Variants in GPD2 observed in about 807,000 individuals in gnomAD.
GPD2 encodes glycerol-3-phosphate dehydrogenase, mitochondrial.
Under a neutral mutation model 82.4 loss-of-function variants are expected in GPD2, and 54 were observed. That is an observed-to-expected ratio of 0.66 (90% CI 0.53 to 0.82). GPD2 has a LOEUF of 0.82. Ranked by LOEUF, GPD2 falls within the 40% of genes least tolerant of loss-of-function variation. The pLI is 0.00. For missense variants in GPD2, 748 were observed against 896.2 expected, an observed-to-expected ratio of 0.83 and a Z score of 2.11; for synonymous variants, 288 against 306.1, an observed-to-expected ratio of 0.94 and a Z score of 0.62.
intron 2 of GPD2, among the ~76,000 whole-genome samples, chr2:156,487,655 A>G (rs1683997270): frequency 6.6e-6 from 1 of 152,190 alleles, no homozygotes; most frequent in African/African-American, 2.4e-5. Flanking sequence ...ACACCTAAGG[A>G]GCTAATGTTA....
Position 156,507,326 on chromosome 2 carries a change from C to CT in GPD2, c.275-3457dup, listed in dbSNP as rs11334405. ...CCCAGCCACTTTTTCTTTTTCTTTTCTTTTTTTTTTTTTGAGATAGGGTCT... is the reference window on the plus strand; with the variant it reads ...CCCAGCCACTTTTTCTTTTTCTTTTCTTTTTTTTTTTTTTGAGATAGGGTCT... On this transcript the variant is annotated intron_variant, in intron 3 of 16. Coordinates refer to ENST00000438166, the MANE Select transcript of GPD2 (RefSeq NM_000408.5). Among the ~76,000 whole-genome samples the CT allele has an allele frequency of 2.9e-3, 409 of 142,666 alleles. 1 individual carries two copies. The highest frequency in any genetic ancestry group is 6.1e-3 in the African/African-American group (237 of 38,616). 93.6% of individuals were successfully genotyped at this position (142,666 alleles called of 152,430 possible).
chr2:156,519,788 A>T (rs1573955930), intron 6 of GPD2, among the ~76,000 whole-genome samples: 1 of 152,350 alleles, frequency 6.6e-6, no homozygotes, highest in East Asian at 1.9e-4. Flanking sequence ...ACCCAGGCAA[A>T]CAGGTGCCTG....
intron 13 of GPD2, among the ~76,000 whole-genome samples, chr2:156,576,147 T>C (rs993656272): frequency 6.6e-6 from 1 of 152,204 alleles, no homozygotes; most frequent in Non-Finnish European, 1.5e-5. Flanking sequence ...TTTAGTTAAC[T>C]GTGAATGCAT....
chr2:156,411,418 CAATT>C, the GPD2 span, among the ~76,000 whole-genome samples: 1 of 152,022 alleles, frequency 6.6e-6, no homozygotes, highest in African/African-American at 2.4e-5. Flanking sequence ...TGAATTCAAG[CAATT>C]CTCCTCCCTC....
intron 9 of GPD2, among the ~76,000 whole-genome samples, chr2:156,559,488 A>G (rs1021441282): frequency 1.3e-5 from 2 of 152,208 alleles, no homozygotes; most frequent in Admixed American, 1.3e-4. Flanking sequence ...GTTAGTCTGA[A>G]TGCAACTCAC....
chr2:156,533,505 A>C (rs532778515), intron 6 of GPD2, among the ~76,000 whole-genome samples: 2 of 152,252 alleles, frequency 1.3e-5, no homozygotes, highest in South Asian at 4.1e-4. Flanking sequence ...GCAAGGCCTC[A>C]GGTTTAGATC....
intron 13 of GPD2, among the ~76,000 whole-genome samples, chr2:156,578,071 A>G (rs1380616655): frequency 6.6e-6 from 1 of 152,222 alleles, no homozygotes; most frequent in Non-Finnish European, 1.5e-5. Context: ...TGTGAACAAT[A>G]TATGCTACAA....
At chr2:156,441,362 G>A (rs1682169860) in intron 1 of GPD2, among the ~76,000 whole-genome samples, 1 of 152,080 alleles carries the variant, frequency 6.6e-6, no homozygotes, top group South Asian at 2.1e-4. Context: ...GATCAGCCTG[G>A]GCCACGTGGA....
At chr2:156,454,587 C>A (rs1682724670) in intron 1 of GPD2, among the ~76,000 whole-genome samples, 1 of 151,976 alleles carries the variant, frequency 6.6e-6, no homozygotes, top group South Asian at 2.1e-4. Flanking sequence ...CAGGTTAAAT[C>A]TTACTTTCTT....
At chr2:156,452,082 G>A (rs1444023878) in intron 1 of GPD2, among the ~76,000 whole-genome samples, 1 of 151,624 alleles carries the variant, frequency 6.6e-6, no homozygotes, top group African/African-American at 2.4e-5. Flanking sequence ...GGGCAGCCAG[G>A]CAGAGGGGCT....
intron 6 of GPD2, among the ~76,000 whole-genome samples, chr2:156,521,566 G>C (rs1685410070): frequency 6.6e-6 from 1 of 152,138 alleles, no homozygotes; most frequent in South Asian, 2.1e-4. Flanking sequence ...TCTACTTTTT[G>C]TGAAAATATT....
chr2:156,572,238 T>C (rs1202407235), intron 13 of GPD2, among the ~76,000 whole-genome samples: 2 of 152,206 alleles, frequency 1.3e-5, no homozygotes, highest in East Asian at 3.8e-4. Flanking sequence ...ATTAGTATCA[T>C]ACTTTATGCA....
chr2:156,513,418 C>T lies in GPD2; in HGVS notation c.583C>T (p.Leu195Phe). The T allele has an allele frequency of 1.2e-6, 2 of 1,612,226 alleles. No homozygotes were observed. The highest frequency in any genetic ancestry group is 1.7e-6 in the Non-Finnish European group (2 of 1,178,648). The change falls in exon 6 of 17, where the codon CTC (leucine) becomes TTC (phenylalanine). Residue 195 changes from leucine to phenylalanine, a missense_variant. By Grantham distance (22) the Leu-to-Phe change is conservative. Transcript: ENST00000438166. ...CAATTGCCTAAAAAGCAGTTATGTC[C>T]TCAGCAAATCAAGAGCCCTTGAACA... Reference protein sequence around the residue: ...GSNCLKSSYVLSKSRALEHFP... With the variant: ...GSNCLKSSYVFSKSRALEHFP...
In GPD2 at chr2:156,522,889, T is replaced by G. The variant is rs552993308; in HGVS notation, c.661+9393T>G. On this transcript the variant is annotated intron_variant, in intron 6 of 16. Transcript: ENST00000438166. ...AAAATGAAGATTATAGCATCATGGC[T>G]TCTTTCAGCTATGATTGATTTTTTT... is the stretch of plus-strand genomic sequence containing the variant. Among the ~76,000 whole-genome samples the G allele has an allele frequency of 5.9e-5, 9 of 152,268 alleles. No homozygotes were observed. In the South Asian group the frequency reaches 1.5e-3, roughly 25 times the overall value.
At chr2:156,451,120 C>G (rs185114946) in intron 1 of GPD2, among the ~76,000 whole-genome samples, 183 of 150,168 alleles carry the variant, frequency 1.2e-3, no homozygotes, top group Non-Finnish European at 1.9e-3. Context: ...ACCTTTCCCC[C>G]CGTTCTATTC....
intron 2 of GPD2, among the ~76,000 whole-genome samples, chr2:156,481,579 T>G (rs189711595): frequency 3.9e-5 from 6 of 152,224 alleles, no homozygotes; most frequent in Admixed American, 1.3e-4. Flanking sequence ...GTGCCTGACT[T>G]ATTTCACTTA....
intron 2 of GPD2, among the ~76,000 whole-genome samples, chr2:156,478,488 A>G (rs548191672): frequency 6.6e-6 from 1 of 152,262 alleles, no homozygotes; most frequent in Admixed American, 6.5e-5. Flanking sequence ...CGATGTAGCC[A>G]TAGGGACTGG....
chr2:156,536,504 T>C (rs866143730), intron 6 of GPD2, among the ~76,000 whole-genome samples: 2 of 152,372 alleles, frequency 1.3e-5, no homozygotes, highest in South Asian at 2.1e-4. Context: ...GATGAGTAAC[T>C]CTTATTCTTG....
At chr2:156,528,419 TTTTATTTA>T (rs547436852) in intron 6 of GPD2, among the ~76,000 whole-genome samples, 1 of 151,348 alleles carries the variant, frequency 6.6e-6, no homozygotes, top group Non-Finnish European at 1.5e-5. Context: ...TCTTTTTTTC[TTTTATTTA>T]TTTATTTATT....
Sources: gnomAD v4.1 joint callset for allele counts (sites outside exome capture counted in the v4.1 genomes callset) on GRCh38, gnomAD v4.1.1 for gene constraint, MANE v1.5 for transcripts, NCBI Gene and HGNC (gene_info 2026-07-23, HGNC 2026-07-21) for gene names.